Variants in HMGCLL1 observed in about 807,000 individuals in gnomAD.
HMGCLL1 encodes the protein 3-hydroxy-3-methylglutaryl-CoA lyase like 1.
HMGCLL1 carries 36 observed loss-of-function variants against 39.1 expected under a neutral mutation model. The observed-to-expected ratio is 0.92, with a 90% CI of 0.71 to 1.22. The LOEUF is 1.22. Among genes scored for constraint, HMGCLL1 ranks in the 50% most tolerant of loss-of-function variants. The probability of loss-of-function intolerance (pLI) is 0.00; values close to 1 mark genes in which losing one functional copy is unlikely to be tolerated. For synonymous variants in HMGCLL1, 149 were observed against 144.0 expected, an observed-to-expected ratio of 1.03 and a Z score of -0.25; for missense variants, 451 against 416.5, an observed-to-expected ratio of 1.08 and a Z score of -0.72.
the HMGCLL1 span, among the ~76,000 whole-genome samples, chr6:55,647,110 C>T: frequency 1.3e-5 from 2 of 152,066 alleles, no homozygotes; most frequent in African/African-American, 4.8e-5. Context: ...TATTCTCTTG[C>T]AGAATTGAGA....
the HMGCLL1 span, among the ~76,000 whole-genome samples, chr6:55,639,548 C>T: frequency 5.3e-5 from 8 of 151,900 alleles, no homozygotes; most frequent in South Asian, 1.7e-3. Context: ...GATGAATAGT[C>T]TATGAAAGAG....
chr6:55,612,608 G>A, the HMGCLL1 span, among the ~76,000 whole-genome samples: 1 of 152,092 alleles, frequency 6.6e-6, no homozygotes, highest in Non-Finnish European at 1.5e-5. Context: ...CAGACACATA[G>A]ACCAATGGAA....
At chr6:55,541,691 G>T in intron 3 of HMGCLL1, 38 bp downstream of exon 3, 1 of 1,020,240 alleles carries the variant, frequency 9.8e-7, no homozygotes, top group South Asian at 1.4e-5. Context: ...TGGTGAAGTT[G>T]AATTAGGATC....
At chr6:55,447,636 T>C (rs919138989) in intron 7 of HMGCLL1, among the ~76,000 whole-genome samples, 3 of 151,990 alleles carry the variant, frequency 2.0e-5, no homozygotes, top group African/African-American at 7.2e-5. Context: ...CTAAAAATAA[T>C]AAATACTATT....
chr6:55,607,765 T>C, the HMGCLL1 span, among the ~76,000 whole-genome samples: 372 of 152,218 alleles, frequency 2.4e-3, 1 homozygote, highest in African/African-American at 8.5e-3. Flanking sequence ...TTAATAAATA[T>C]TGTGCAAAAT....
chr6:55,496,338 C>CAA (rs1766576205), intron 6 of HMGCLL1, among the ~76,000 whole-genome samples: 1 of 79,652 alleles, frequency 1.3e-5, no homozygotes, highest in Admixed American at 1.2e-4. Context: ...CAAAACTCAG[C>CAA]ACACAGACTG....
chr6:55,462,443 T>C (rs1386972262), intron 7 of HMGCLL1, among the ~76,000 whole-genome samples: 1 of 152,148 alleles, frequency 6.6e-6, no homozygotes, highest in East Asian at 1.9e-4. Context: ...CCCTCACATA[T>C]CTGCCTTCAC....
intron 1 of HMGCLL1, among the ~76,000 whole-genome samples, chr6:55,557,736 C>T (rs1276048260): frequency 1.3e-5 from 2 of 152,108 alleles, no homozygotes; most frequent in East Asian, 1.9e-4. Flanking sequence ...TGTATTTGCT[C>T]ATTCCATGTA....
chr6:55,436,164 C>T (rs914628351), intron 8 of HMGCLL1, among the ~76,000 whole-genome samples: 2 of 151,760 alleles, frequency 1.3e-5, no homozygotes, highest in Non-Finnish European at 2.9e-5. Flanking sequence ...AAAAACTATC[C>T]TCTTTACTAT....
the HMGCLL1 span, among the ~76,000 whole-genome samples, chr6:55,647,843 T>A: frequency 2.4e-5 from 3 of 126,272 alleles, no homozygotes; most frequent in African/African-American, 9.3e-5. Context: ...TATGTATACA[T>A]GTGCCATGCT....
chr6:55,484,755 G>A (rs1037409073), intron 7 of HMGCLL1, among the ~76,000 whole-genome samples: 2 of 151,870 alleles, frequency 1.3e-5, no homozygotes, highest in African/African-American at 4.8e-5. Flanking sequence ...CCACATTTAT[G>A]CAAACCATCA....
the HMGCLL1 span, among the ~76,000 whole-genome samples, chr6:55,665,869 T>G: frequency 6.6e-6 from 1 of 151,922 alleles, no homozygotes; most frequent in African/African-American, 2.4e-5. Flanking sequence ...TTCTGAACTC[T>G]AAGTTATGTT....
At chr6:55,535,419 C>T (rs1768957065) in intron 3 of HMGCLL1, among the ~76,000 whole-genome samples, 1 of 152,152 alleles carries the variant, frequency 6.6e-6, no homozygotes, top group Non-Finnish European at 1.5e-5. Flanking sequence ...AATAGATCTA[C>T]TTCTGTCATA....
At chr6:55,479,204 A>G (rs1461761172) in intron 7 of HMGCLL1, among the ~76,000 whole-genome samples, 1 of 151,580 alleles carries the variant, frequency 6.6e-6, no homozygotes, top group African/African-American at 2.4e-5. Context: ...ATACAACAGG[A>G]AAGTCCTGTG....
At chr6:55,633,589 T>A in the HMGCLL1 span, among the ~76,000 whole-genome samples, 3 of 152,110 alleles carry the variant, frequency 2.0e-5, no homozygotes, top group African/African-American at 7.2e-5. Flanking sequence ...AAATAAACGT[T>A]AATGTTAATT....
chr6:55,506,949 C>T (rs571675852), intron 5 of HMGCLL1, among the ~76,000 whole-genome samples: 11 of 151,842 alleles, frequency 7.2e-5, no homozygotes, highest in Non-Finnish European at 1.6e-4. Flanking sequence ...GCTTTGCTGT[C>T]GTACCTCAAA....
the HMGCLL1 span, among the ~76,000 whole-genome samples, chr6:55,584,925 A>G: frequency 6.6e-6 from 1 of 151,894 alleles, no homozygotes; most frequent in Non-Finnish European, 1.5e-5. Context: ...AACAATGAGA[A>G]CAACCTGGCT....
intron 1 of HMGCLL1, among the ~76,000 whole-genome samples, chr6:55,575,670 A>AT (rs1561972304): frequency 6.6e-6 from 1 of 152,178 alleles, no homozygotes; most frequent in Non-Finnish European, 1.5e-5. Flanking sequence ...AACAATAGAG[A>AT]ATTAGTTAAG....
At chr6:55,655,536 G>GTAGATAGATAGATAGATAGA in the HMGCLL1 span, among the ~76,000 whole-genome samples, 1,119 of 147,720 alleles carry the variant, frequency 7.6e-3, 8 homozygotes, top group East Asian at 0.015. Context: ...AGTTATATTG[G>GTAGATAGATAGATAGATAGA]TAGATAGATA....
Sources: allele counts gnomAD v4.1 joint callset (sites outside exome capture counted in the v4.1 genomes callset), GRCh38; gene constraint gnomAD v4.1.1; transcripts MANE v1.5; gene names NCBI Gene and HGNC (gene_info 2026-07-23, HGNC 2026-07-21).